TCF7L1: variants seen among roughly 807,000 people sequenced by gnomAD.
The protein encoded by TCF7L1 is transcription factor 7-like 1.
A neutral mutation model predicts 63.7 loss-of-function variants in TCF7L1; 18 were observed. The ratio of observed to expected loss-of-function variants is 0.28; its 90% confidence interval spans 0.20 to 0.42. The LOEUF (loss-of-function observed/expected upper bound fraction) is 0.42, where lower values mean the gene tolerates loss of function less well. Among genes scored for constraint, TCF7L1 ranks in the 10% least tolerant of loss-of-function variants. The pLI is 1.00. For missense variants in TCF7L1, 654 were observed against 779.3 expected, an observed-to-expected ratio of 0.84 and a Z score of 1.91; for synonymous variants, 355 against 340.9, an observed-to-expected ratio of 1.04 and a Z score of -0.46.
intron 3 of TCF7L1, chr2:85,262,196 A>G: frequency 1.8e-6 from 1 of 549,198 alleles, no homozygotes; most frequent in East Asian, 5.0e-5. Flanking sequence ...CTGTCCGCAT[A>G]TTCACTTGCT....
Position 85,156,065 on chromosome 2 carries a change from A to G in TCF7L1, c.441+21615A>G, listed in dbSNP as rs539892398. The stretch of plus-strand genomic sequence containing the variant: ...TCAGGATTCTGGCCTTTAAAGACTC[A>G]GGGTAAACAGACTTCTCTTTAAAGC... On this transcript the variant is annotated intron_variant, in intron 3 of 11. Coordinates refer to ENST00000282111, the MANE Select transcript of TCF7L1 (RefSeq NM_031283.3). 6.6e-5 allele frequency among the ~76,000 whole-genome samples: 10 copies of G among 152,358 alleles called. No individual in the cohort carries two copies. In the East Asian group the frequency reaches 1.9e-3, roughly 29 times the overall value.
intron 3 of TCF7L1, among the ~76,000 whole-genome samples, chr2:85,189,730 G>A (rs1679003932): frequency 6.6e-6 from 1 of 152,238 alleles, no homozygotes; most frequent in Non-Finnish European, 1.5e-5. Context: ...TTCAGCTCCT[G>A]TCCATCAGGC....
At chr2:85,159,259 G>A (rs563991748) in intron 3 of TCF7L1, among the ~76,000 whole-genome samples, 4 of 151,952 alleles carry the variant, frequency 2.6e-5, no homozygotes, top group Admixed American at 6.6e-5. Flanking sequence ...ACCACCCCTC[G>A]AGCCTGTGTT....
At chr2:85,205,386 A>G (rs1050458323) in intron 3 of TCF7L1, among the ~76,000 whole-genome samples, 9 of 152,128 alleles carry the variant, frequency 5.9e-5, no homozygotes, top group Non-Finnish European at 1.3e-4. Context: ...CTGTAGCAAT[A>G]CCATACTTCT....
chr2:85,269,328 T>G (rs1184941870), intron 3 of TCF7L1, among the ~76,000 whole-genome samples: 2 of 152,242 alleles, frequency 1.3e-5, no homozygotes, highest in African/African-American at 4.8e-5. Flanking sequence ...TTTTTAAAAA[T>G]GGAGCTTCAC....
At chr2:85,233,329 T>A (rs1400641228) in intron 3 of TCF7L1, among the ~76,000 whole-genome samples, 5 of 151,810 alleles carry the variant, frequency 3.3e-5, no homozygotes, top group Non-Finnish European at 7.4e-5. Context: ...TTTTTTTTTT[T>A]TTTTTTAGAT....
intron 3 of TCF7L1, among the ~76,000 whole-genome samples, chr2:85,165,230 A>C (rs1678388727): frequency 6.6e-6 from 1 of 152,242 alleles, no homozygotes; most frequent in South Asian, 2.1e-4. Flanking sequence ...ATTTATTAAT[A>C]GTTAAATTTA....
At chr2:85,135,186 G>A (rs967767661) in intron 3 of TCF7L1, among the ~76,000 whole-genome samples, 58 of 152,286 alleles carry the variant, frequency 3.8e-4, no homozygotes, top group Non-Finnish European at 8.8e-5. Flanking sequence ...CCCAGACGAC[G>A]TGCAAATGAG....
chr2:85,232,503 C>T (rs180887673), intron 3 of TCF7L1, among the ~76,000 whole-genome samples: 31 of 152,274 alleles, frequency 2.0e-4, no homozygotes, highest in Admixed American at 1.5e-3. Flanking sequence ...AGCAGCCATT[C>T]GTCTGTCTCA....
intron 3 of TCF7L1, among the ~76,000 whole-genome samples, chr2:85,178,670 C>T (rs763102975): frequency 3.9e-5 from 6 of 152,174 alleles, no homozygotes; most frequent in Non-Finnish European, 8.8e-5. Flanking sequence ...GAAATTGAGG[C>T]CTGCCAGTGT....
At chr2:85,186,821 A>G (rs1025124736) in intron 3 of TCF7L1, 1 of 152,218 alleles carries the variant, frequency 6.6e-6, no homozygotes, top group African/African-American at 2.4e-5. Context: ...GACATTTTTC[A>G]TACTTTTATC....
intron 3 of TCF7L1, among the ~76,000 whole-genome samples, chr2:85,146,504 T>C (rs1361274150): frequency 9.7e-5 from 14 of 144,934 alleles, no homozygotes; most frequent in South Asian, 2.3e-4. Flanking sequence ...TTTCTTTTTT[T>C]TTTTTTTTTT....
intron 3 of TCF7L1, among the ~76,000 whole-genome samples, chr2:85,234,131 C>CTTTTTTTT (rs35508338): frequency 7.7e-5 from 5 of 65,236 alleles, no homozygotes; most frequent in African/African-American, 1.6e-4. Context: ...TTTTTCTTTT[C>CTTTTTTTT]TTTTTTTTTT....
At chr2:85,225,651 TGCTTATTA>T (rs1164600573) in intron 3 of TCF7L1, among the ~76,000 whole-genome samples, 2 of 152,248 alleles carry the variant, frequency 1.3e-5, no homozygotes, top group Non-Finnish European at 1.5e-5. Context: ...TTGCTGAAGT[TGCTTATTA>T]GCTTAAGGAG....
intron 3 of TCF7L1, among the ~76,000 whole-genome samples, chr2:85,258,900 A>G (rs774292508): frequency 3.2e-4 from 49 of 152,152 alleles, no homozygotes; most frequent in Admixed American, 3.1e-3. Context: ...ACCCTTGCTT[A>G]TTTATTAACA....
chr2:85,208,346 A>G (rs112560748), intron 3 of TCF7L1, among the ~76,000 whole-genome samples: 3,840 of 152,184 alleles, frequency 0.025, 172 homozygotes, highest in African/African-American at 0.087. Flanking sequence ...ATCAGATGTC[A>G]CCTCTCAAGT....
chr2:85,208,851 G>A (rs1679476626), intron 3 of TCF7L1, among the ~76,000 whole-genome samples: 1 of 152,176 alleles, frequency 6.6e-6, no homozygotes, highest in Admixed American at 6.5e-5. Flanking sequence ...TACTTCTCCT[G>A]TTGAGAGACA....
intron 3 of TCF7L1, among the ~76,000 whole-genome samples, chr2:85,220,454 C>T (rs1357076632): frequency 3.9e-5 from 6 of 152,108 alleles, no homozygotes; most frequent in Non-Finnish European, 8.8e-5. Context: ...CTGCAACCTC[C>T]TCCCAGGTTG....
At chr2:85,285,016 G>A (rs148802808) in intron 4 of TCF7L1, among the ~76,000 whole-genome samples, 1,722 of 152,164 alleles carry the variant, frequency 0.011, 37 homozygotes, top group African/African-American at 0.039. Context: ...GGCGGATCAC[G>A]AGGTCAGGAG....
Sources: allele counts gnomAD v4.1 joint callset (sites outside exome capture counted in the v4.1 genomes callset), GRCh38; gene constraint gnomAD v4.1.1; transcripts MANE v1.5; gene names NCBI Gene and HGNC (gene_info 2026-07-23, HGNC 2026-07-21).